The following EYA2 variants were observed in gnomAD, a reference collection of about 807,000 sequenced individuals.
EYA2 encodes EYA transcriptional coactivator and phosphatase 2.
A neutral mutation model predicts 69.2 loss-of-function variants in EYA2; 31 were observed. That is an observed-to-expected ratio of 0.45 (90% CI 0.34 to 0.60). The LOEUF (loss-of-function observed/expected upper bound fraction) is 0.60. Among genes scored for constraint, EYA2 ranks in the 20% least tolerant of loss-of-function variants. The pLI, the probability that EYA2 is intolerant of heterozygous loss-of-function variation, is 0.02. For synonymous variants in EYA2, 257 were observed against 279.4 expected, an observed-to-expected ratio of 0.92 and a Z score of 0.80; for missense variants, 622 against 701.2, an observed-to-expected ratio of 0.89 and a Z score of 1.28.
intron 7 of EYA2, among the ~76,000 whole-genome samples, chr20:47,087,637 G>A (rs973395654): frequency 2.0e-5 from 3 of 152,182 alleles, no homozygotes; most frequent in African/African-American, 4.8e-5. Context: ...GACCTGGGTC[G>A]GGGACAGTGC....
chr20:46,943,740 T>C (rs1468563941), intron 1 of EYA2, among the ~76,000 whole-genome samples: 1 of 152,212 alleles, frequency 6.6e-6, no homozygotes, highest in African/African-American at 2.4e-5. Context: ...TCAGCCTCCG[T>C]GCTCCCGCCT....
intron 9 of EYA2, among the ~76,000 whole-genome samples, chr20:47,136,887 A>G (rs1381516319): frequency 6.6e-6 from 1 of 152,192 alleles, no homozygotes; most frequent in Admixed American, 6.5e-5. Flanking sequence ...AGAGCCCACC[A>G]CACCATCATA....
intron 10 of EYA2, among the ~76,000 whole-genome samples, chr20:47,167,280 CTT>C (rs11470455): frequency 1.1e-4 from 12 of 111,720 alleles, no homozygotes; most frequent in African/African-American, 2.2e-4. Context: ...GGTTTTTTTA[CTT>C]TTTTTTTTTT....
chr20:47,011,737 C>T (rs1407177731), intron 4 of EYA2, among the ~76,000 whole-genome samples: 1 of 152,180 alleles, frequency 6.6e-6, no homozygotes, highest in Non-Finnish European at 1.5e-5. Flanking sequence ...CTTTCAGGAT[C>T]ACTCTGTTTG....
intron 12 of EYA2, among the ~76,000 whole-genome samples, chr20:47,177,293 TG>T: frequency 6.6e-6 from 1 of 151,716 alleles, no homozygotes; most frequent in East Asian, 1.9e-4. Context: ...TTAAATTTTT[TG>T]TAAAGATGGG....
At chr20:47,134,886 G>A (rs2033423749) in intron 9 of EYA2, among the ~76,000 whole-genome samples, 1 of 152,030 alleles carries the variant, frequency 6.6e-6, no homozygotes, top group Admixed American at 6.6e-5. Context: ...CCAGCACTTT[G>A]GGAGGCTGAG....
intron 5 of EYA2, among the ~76,000 whole-genome samples, chr20:47,045,723 G>A (rs2030002032): frequency 6.6e-6 from 1 of 152,230 alleles, no homozygotes; most frequent in Non-Finnish European, 1.5e-5. Context: ...GGAATTTGCA[G>A]GGGCCTGTTT....
intron 10 of EYA2, among the ~76,000 whole-genome samples, chr20:47,157,612 T>G (rs1300036048): frequency 1.3e-5 from 2 of 151,942 alleles, no homozygotes; most frequent in Non-Finnish European, 2.9e-5. Context: ...TTGTTTCTTT[T>G]AATTACAAGA....
intron 10 of EYA2, among the ~76,000 whole-genome samples, chr20:47,146,915 G>A (rs1353324591): frequency 1.3e-5 from 2 of 152,246 alleles, no homozygotes; most frequent in African/African-American, 2.4e-5. Context: ...TCAGGAGGCT[G>A]ACCATAAACA....
At chr20:46,925,685 TG>T in intron 1 of EYA2, among the ~76,000 whole-genome samples, 1 of 152,198 alleles carries the variant, frequency 6.6e-6, no homozygotes, top group East Asian at 1.9e-4. Flanking sequence ...GGTGAGGCTG[TG>T]GGGAAACAGA....
At chr20:47,064,810 A>G (rs1480408553) in intron 5 of EYA2, among the ~76,000 whole-genome samples, 1 of 152,230 alleles carries the variant, frequency 6.6e-6, no homozygotes, top group East Asian at 1.9e-4. Flanking sequence ...GCAGCGTCAC[A>G]TAAGTCACTG....
chr20:46,952,179 G>A (rs145091838), intron 1 of EYA2, among the ~76,000 whole-genome samples: 1 of 152,194 alleles, frequency 6.6e-6, no homozygotes, highest in African/African-American at 2.4e-5. Flanking sequence ...AGGTAGGGTG[G>A]TCAGGGAGGT....
At chr20:47,105,934 C>T (rs1436450814) in intron 9 of EYA2, among the ~76,000 whole-genome samples, 5 of 152,136 alleles carry the variant, frequency 3.3e-5, no homozygotes, top group Admixed American at 3.3e-4. Context: ...TGTTACTGCC[C>T]TGCGTTATTG....
At chr20:47,050,137 A>T (rs1012105147) in intron 5 of EYA2, among the ~76,000 whole-genome samples, 1 of 152,150 alleles carries the variant, frequency 6.6e-6, no homozygotes, top group East Asian at 1.9e-4. Context: ...CAAATCCTGT[A>T]TCTGTCTGTC....
rs1299108459 is a variant in EYA2 at position 47,188,358 on chromosome 20, A to G, written c.*225A>G. The G allele has an allele frequency of 6.6e-6, 4 of 601,998 alleles. No individual in the cohort carries two copies. In the Admixed American group the frequency reaches 1.2e-4, roughly 18 times the overall value. 37.3% of individuals were successfully genotyped at this position (601,998 alleles called of 1,614,324 possible). On this transcript the variant is annotated 3_prime_UTR_variant, in exon 16 of 16. Transcript: ENST00000327619. ...CTTCGGAGTATTTGACTTTGGGGAAAAGGGCTGGCTCGGAGTCTAGACTCT... is the reference window on the plus strand; with the variant it reads ...CTTCGGAGTATTTGACTTTGGGGAAGAGGGCTGGCTCGGAGTCTAGACTCT...
intron 9 of EYA2, among the ~76,000 whole-genome samples, chr20:47,106,787 A>G (rs2032592641): frequency 6.6e-6 from 1 of 152,130 alleles, no homozygotes; most frequent in Non-Finnish European, 1.5e-5. Context: ...ACAAGAAACC[A>G]GTGCCACTCG....
intron 1 of EYA2, among the ~76,000 whole-genome samples, chr20:46,963,158 T>A (rs1230159755): frequency 6.6e-6 from 1 of 152,194 alleles, no homozygotes; most frequent in Non-Finnish European, 1.5e-5. Context: ...GTTTCTCTTA[T>A]CGCATCCCCA....
At chr20:46,960,027 T>C (rs1979377244) in intron 1 of EYA2, among the ~76,000 whole-genome samples, 1 of 152,214 alleles carries the variant, frequency 6.6e-6, no homozygotes, top group Non-Finnish European at 1.5e-5. Flanking sequence ...ATTTTTTAAG[T>C]GCCCCTCTGG....
In EYA2 at chr20:46,903,922, A is replaced by G. The variant is rs914352317; in HGVS notation, c.-11+8935A>G. 6.6e-5 allele frequency among the ~76,000 whole-genome samples: 10 copies of G among 152,344 alleles called. No homozygotes were observed. The East Asian group carries it at 1.7e-3, about 26-fold the overall frequency. ...CATGGAAAACACTTAGCTTTGCTAC[A>G]CTGCCTGCCTCCATTCAATGTTCAA... is the stretch of plus-strand genomic sequence containing the variant. On this transcript the variant is annotated intron_variant, in intron 1 of 15. Coordinates refer to ENST00000327619, the MANE Select transcript of EYA2 (RefSeq NM_005244.5).
Sources: allele counts gnomAD v4.1 joint callset (sites outside exome capture counted in the v4.1 genomes callset), GRCh38; gene constraint gnomAD v4.1.1; transcripts MANE v1.5; gene names NCBI Gene and HGNC (gene_info 2026-07-23, HGNC 2026-07-21).